Variants in MAD1L1 observed in about 807,000 individuals in gnomAD.
MAD1L1 encodes the protein mitotic spindle assembly checkpoint protein MAD1.
MAD1L1 carries 95 observed loss-of-function variants against 96.9 expected under a neutral mutation model. The ratio of observed to expected loss-of-function variants is 0.98; its 90% CI spans 0.83 to 1.16. The LOEUF (loss-of-function observed/expected upper bound fraction) is 1.16. Among genes scored for constraint, MAD1L1 ranks in the 50% most tolerant of loss-of-function variants. MAD1L1 has a pLI of 0.00. For missense variants in MAD1L1, 1,007 were observed against 954.4 expected (o/e 1.06, Z -0.73); for synonymous variants, 473 against 396.6 (o/e 1.19, Z -2.29).
At chr7:2,044,534 A>G (rs892365177) in intron 12 of MAD1L1, among the ~76,000 whole-genome samples, 2 of 152,138 alleles carry the variant, frequency 1.3e-5, no homozygotes, top group Admixed American at 6.5e-5. Context: ...GTGTGAGATG[A>G]TAACACAATT....
At chr7:2,225,882 G>C (rs1173968647) in intron 3 of MAD1L1, among the ~76,000 whole-genome samples, 1 of 152,222 alleles carries the variant, frequency 6.6e-6, no homozygotes, top group Non-Finnish European at 1.5e-5. Context: ...TCTCTGACCA[G>C]GGTCTCCCAG....
intron 18 of MAD1L1, among the ~76,000 whole-genome samples, chr7:1,887,394 T>C (rs1353866955): frequency 4.2e-5 from 6 of 144,268 alleles, no homozygotes; most frequent in African/African-American, 1.1e-4. Context: ...TACATGCATG[T>C]ATGTGGCTGC....
At chr7:1,894,197 G>C (rs1474583406) in intron 18 of MAD1L1, among the ~76,000 whole-genome samples, 1 of 152,224 alleles carries the variant, frequency 6.6e-6, no homozygotes, top group Non-Finnish European at 1.5e-5. Flanking sequence ...CCTGCCAGAA[G>C]ACTTGGCAGC....
At chr7:2,007,117 C>A (rs1035423076) in intron 13 of MAD1L1, among the ~76,000 whole-genome samples, 9 of 152,132 alleles carry the variant, frequency 5.9e-5, no homozygotes, top group Non-Finnish European at 1.5e-5. Flanking sequence ...AGGCCAGCAC[C>A]AGACAGAGGG....
intron 18 of MAD1L1, among the ~76,000 whole-genome samples, chr7:1,882,472 G>A (rs944989715): frequency 2.0e-5 from 3 of 152,232 alleles, no homozygotes; most frequent in African/African-American, 7.2e-5. Flanking sequence ...GCCTGTCAGG[G>A]AGGGAGGGAA....
intron 18 of MAD1L1, 60 bp from the exon 19 acceptor site, chr7:1,816,288 CCCTCCCTCCCT>C (rs1356021688): frequency 2.7e-6 from 4 of 1,485,512 alleles, no homozygotes; most frequent in African/African-American, 1.4e-5. Context: ...TCTCCCTCTC[CCCTCCCTCCCT>C]ACACAGCCCC....
intron 18 of MAD1L1, chr7:1,847,358 G>A (rs766734402): frequency 2.1e-5 from 10 of 470,934 alleles, no homozygotes; most frequent in South Asian, 6.2e-5. Flanking sequence ...GAGGTACCAC[G>A]GGGCGGACCA....
intron 12 of MAD1L1, among the ~76,000 whole-genome samples, chr7:2,032,670 C>T (rs1035852063): frequency 6.6e-6 from 1 of 152,226 alleles, no homozygotes; most frequent in Non-Finnish European, 1.5e-5. Context: ...AAGTACCTCC[C>T]ACCAGGCTCG....
chr7:1,920,881 T>C (rs775754237), intron 17 of MAD1L1, among the ~76,000 whole-genome samples: 6 of 152,184 alleles, frequency 3.9e-5, no homozygotes, highest in African/African-American at 1.2e-4. Flanking sequence ...CTAATCTTCA[T>C]TGACTGAATA....
chr7:1,921,740 TAA>T, intron 17 of MAD1L1, among the ~76,000 whole-genome samples: 3 of 152,320 alleles, frequency 2.0e-5, no homozygotes, highest in Admixed American at 2.0e-4. Context: ...CGATTTTGCC[TAA>T]GTTTTAATAA....
At chr7:1,988,458 G>A (rs1748134808) in intron 14 of MAD1L1, among the ~76,000 whole-genome samples, 1 of 152,192 alleles carries the variant, frequency 6.6e-6, no homozygotes, top group Non-Finnish European at 1.5e-5. Flanking sequence ...TGCAGTGACA[G>A]GGCAGGGAAG....
chr7:1,853,794 C>T (rs1285137511), intron 18 of MAD1L1, among the ~76,000 whole-genome samples: 1 of 152,122 alleles, frequency 6.6e-6, no homozygotes, highest in African/African-American at 2.4e-5. Context: ...CTCTGCACCC[C>T]CTCCCAACCT....
intron 11 of MAD1L1, among the ~76,000 whole-genome samples, chr7:2,081,251 G>A (rs117698027): frequency 1.5e-3 from 227 of 152,290 alleles, no homozygotes; most frequent in Non-Finnish European, 2.5e-3. Context: ...CCTGTGGGCA[G>A]AGGAGTCACT....
intron 10 of MAD1L1, among the ~76,000 whole-genome samples, chr7:2,201,414 G>A (rs778790954): frequency 6.6e-6 from 1 of 152,090 alleles, no homozygotes; most frequent in Non-Finnish European, 1.5e-5. Flanking sequence ...CACCCTGGGA[G>A]CCCCTAGCCC....
chr7:1,846,744 C>T (rs781320567), intron 18 of MAD1L1: 6 of 165,522 alleles, frequency 3.6e-5, no homozygotes, highest in South Asian at 1.5e-4. Context: ...CTGCTCCAGA[C>T]GCCCCCCCAC....
At chr7:2,076,788 C>A (rs750531788) in intron 11 of MAD1L1, among the ~76,000 whole-genome samples, 5 of 151,580 alleles carry the variant, frequency 3.3e-5, no homozygotes, top group Non-Finnish European at 5.9e-5. Context: ...ATGGTGAGCT[C>A]ACGGCACAGT....
intron 12 of MAD1L1, among the ~76,000 whole-genome samples, chr7:2,060,548 T>A (rs1049182190): frequency 1.3e-5 from 2 of 151,708 alleles, no homozygotes; most frequent in African/African-American, 4.8e-5. Context: ...GATAAGCTAA[T>A]GCTGTGCTTC....
At chr7:2,183,965 A>G (rs1162449117) in intron 10 of MAD1L1, among the ~76,000 whole-genome samples, 1 of 151,892 alleles carries the variant, frequency 6.6e-6, no homozygotes, top group Non-Finnish European at 1.5e-5. Flanking sequence ...AAAAGAAAGA[A>G]CTCAGCCGGG....
chr7:2,211,958 T>G (rs1792968644), intron 10 of MAD1L1, among the ~76,000 whole-genome samples: 1 of 152,280 alleles, frequency 6.6e-6, no homozygotes, highest in South Asian at 2.1e-4. Context: ...AGAGGCCGCC[T>G]CGGCACCAGC....
Sources: gnomAD v4.1 joint callset for allele counts (sites outside exome capture counted in the v4.1 genomes callset) on GRCh38, gnomAD v4.1.1 for gene constraint, MANE v1.5 for transcripts, NCBI Gene and HGNC (gene_info 2026-07-23, HGNC 2026-07-21) for gene names.